The following TMEM109 variants were observed in gnomAD, a reference collection of about 807,000 sequenced individuals.
TMEM109 encodes voltage-gated monoatomic cation channel TMEM109.
A neutral mutation model predicts 26.4 loss-of-function variants in TMEM109; 19 were observed. The ratio of observed to expected loss-of-function variants is 0.72; its 90% CI spans 0.50 to 1.06. The LOEUF (loss-of-function observed/expected upper bound fraction) is 1.06, where lower values mean the gene tolerates loss of function less well. Ranked by LOEUF, TMEM109 falls within the 50% of genes least tolerant of loss-of-function variation. TMEM109 has a pLI of 0.00. For synonymous variants in TMEM109, 129 were observed against 142.0 expected (o/e 0.91, Z 0.65); for missense variants, 262 against 303.4 (o/e 0.86, Z 1.01).
At chr11:60,919,414 T>C (rs931992229) in intron 1 of TMEM109, among the ~76,000 whole-genome samples, 1 of 152,202 alleles carries the variant, frequency 6.6e-6, no homozygotes, top group Non-Finnish European at 1.5e-5. Context: ...AGAGAGATCT[T>C]CTCGCCAACT....
At chr11:60,915,881 G>A (rs1856169213) in intron 1 of TMEM109, among the ~76,000 whole-genome samples, 1 of 152,194 alleles carries the variant, frequency 6.6e-6, no homozygotes, top group Admixed American at 6.5e-5. Flanking sequence ...ACCCACCTGA[G>A]CCATATTGCA....
In TMEM109 at chr11:60,920,938, TTGCTC is replaced by T; in HGVS notation, c.293_297del (p.Ala98ValfsTer16). On this transcript the variant is annotated frameshift_variant, in exon 3 of 4. Transcript: ENST00000227525. LOFTEE classifies it high-confidence loss of function. ...TCATCAGCCATTTCTGTGGCCTTCT[TTGCTC>T]TGTCTGGGATCGCCGCACAGCTGCT... 1 of 1,614,218 alleles carries T rather than the reference TTGCTC, an allele frequency of 6.2e-7. No homozygotes were observed. Among genetic ancestry groups the T allele is most frequent in the Non-Finnish European group, 8.5e-7 (1 of 1,180,008 alleles).
chr11:60,922,426 G>A lies in TMEM109; in HGVS notation c.*261G>A. 2 of 1,479,558 alleles carry A rather than the reference G, an allele frequency of 1.4e-6. No homozygotes were observed. The highest frequency in any genetic ancestry group is 1.2e-5 in the South Asian group (1 of 82,204). 91.7% of individuals were successfully genotyped at this position (1,479,558 alleles called of 1,614,324 possible). The stretch of plus-strand genomic sequence containing the variant: ...CTCTGCTCCCAGCCTGCCTCACCAG[G>A]GAAGGTTGGAGGGGCCTCCCTCTGG... On this transcript the variant is annotated 3_prime_UTR_variant, in exon 4 of 4. Coordinates refer to ENST00000227525, the MANE Select transcript of TMEM109 (RefSeq NM_024092.3).
Position 60,921,909 on chromosome 11 carries a change from T to C in TMEM109, c.476T>C (p.Ile159Thr). The C allele has an allele frequency of 1.2e-6, 2 of 1,614,176 alleles. No individual in the cohort carries two copies. Among genetic ancestry groups the C allele is most frequent in the Non-Finnish European group, 1.7e-6 (2 of 1,180,030 alleles). The change falls in exon 4 of 4, where the codon ATC becomes ACC. Residue 159 changes from isoleucine (I) to threonine (T), a missense_variant. Ile to Thr is a moderately conservative substitution (Grantham distance 89). Transcript: ENST00000227525. Reference sequence around the variant, plus strand: ...TTGGTCTTGGCCTTGCTGGGGCGGATCCTGTGGGGCCTGAAGCTTGTCATC... The same window carrying C: ...TTGGTCTTGGCCTTGCTGGGGCGGACCCTGTGGGGCCTGAAGCTTGTCATC... Reference protein sequence around the residue: ...LGLVLALLGRILWGLKLVIFL... With the variant: ...LGLVLALLGRTLWGLKLVIFL...
intron 1 of TMEM109, among the ~76,000 whole-genome samples, chr11:60,916,644 A>T (rs1196364838): frequency 6.6e-6 from 1 of 152,252 alleles, no homozygotes; most frequent in African/African-American, 2.4e-5. Flanking sequence ...TCCAAAGGAT[A>T]CACTACACAA....
rs1856273984 is a variant in TMEM109 at position 60,923,366 on chromosome 11, T to G, written c.*1201T>G. The G allele has an allele frequency of 6.5e-6, 1 of 152,678 alleles. No homozygotes were observed. Among genetic ancestry groups the G allele is most frequent in the African/African-American group, 2.4e-5 (1 of 41,472 alleles). The allele number at this position is 152,678 out of a possible 1,614,324, so 9.5% of individuals were successfully genotyped here. A position where few individuals can be genotyped will look rare whatever the true frequency, so the allele number is the denominator to read the frequency against. ...TCACAGCTGCAGTGATATATATTTTTTATCAGTGCTTGGTTGGTTTTAAAT... is the reference window on the plus strand; with the variant it reads ...TCACAGCTGCAGTGATATATATTTTGTATCAGTGCTTGGTTGGTTTTAAAT... On this transcript the variant is annotated 3_prime_UTR_variant, in exon 4 of 4. Coordinates refer to ENST00000227525, the MANE Select transcript of TMEM109 (RefSeq NM_024092.3).
intron 2 of TMEM109, 30 bp downstream of exon 2, chr11:60,919,960 C>G (rs750596605): frequency 6.4e-7 from 1 of 1,557,364 alleles, no homozygotes; most frequent in African/African-American, 1.4e-5. Flanking sequence ...TGTGACTACA[C>G]ACATTAAGGA....
chr11:60,922,657 C>T lies in TMEM109; in HGVS notation c.*492C>T, dbSNP rs911048180. On this transcript the variant is annotated 3_prime_UTR_variant, in exon 4 of 4. Transcript: ENST00000227525. Reference sequence around the variant, plus strand: ...CCAAACCATGGTCCTTTAAGGCACGCTCCTGTCCTCCTCATTGCCCAGCAG... The same window carrying T: ...CCAAACCATGGTCCTTTAAGGCACGTTCCTGTCCTCCTCATTGCCCAGCAG... 3.3e-6 allele frequency: 1 copy of T among 307,110 alleles called. No homozygotes were observed. Among genetic ancestry groups the T allele is most frequent in the Non-Finnish European group, 6.5e-6 (1 of 154,392 alleles). The allele number at this position is 307,110 out of a possible 1,614,324, so 19.0% of individuals were successfully genotyped here.
At position 60,922,072 on chromosome 11, in the gene TMEM109, G is replaced by C. The variant is rs1473622697; in HGVS notation, c.639G>C (p.Glu213Asp). The change falls in exon 4 of 4, where the codon GAG (glutamate) becomes GAC (aspartate). Residue 213 changes from glutamate to aspartate, a missense_variant. Coordinates refer to ENST00000227525, the MANE Select transcript of TMEM109 (RefSeq NM_024092.3). ...CCCGAGCCTCTGGGGCCCAACTCGA[G>C]GCCAAGGTGCGAGGGCTGGAACGCC... ...TGSRASGAQL[E>D]AKVRGLERQV... 1 of 1,613,296 alleles carries C rather than the reference G, an allele frequency of 6.2e-7. No homozygotes were observed. Among genetic ancestry groups the C allele is most frequent in the East Asian group, 2.2e-5 (1 of 44,894 alleles).
intron 1 of TMEM109, chr11:60,918,448 C>T (rs1243181465): frequency 1.3e-5 from 2 of 152,192 alleles, no homozygotes; most frequent in African/African-American, 4.8e-5. Context: ...CCAAAGTCAT[C>T]CTTTTTATCA....
rs560676157 is a variant in TMEM109, at chr11:60,922,288, C to A, written c.*123C>A. 7 of 1,542,510 alleles carry A rather than the reference C, an allele frequency of 4.5e-6. No individual in the cohort carries two copies. Among genetic ancestry groups the A allele is most frequent in the Non-Finnish European group, 6.1e-6 (7 of 1,146,768 alleles). ...GTCTCTGAACCTTCAGAACATTGAT[C>A]CTTGCCGCAGCCCCACTAGCCAAGA... On this transcript the variant is annotated 3_prime_UTR_variant, in exon 4 of 4. Coordinates refer to ENST00000227525, the MANE Select transcript of TMEM109 (RefSeq NM_024092.3).
rs1181797624 is a variant in TMEM109 at position 60,922,157 on chromosome 11, G to A, written c.724G>A (p.Glu242Lys). The A allele has an allele frequency of 1.3e-6, 2 of 1,589,180 alleles. No individual in the cohort carries two copies. Among genetic ancestry groups the A allele is most frequent in the East Asian group, 2.3e-5 (1 of 43,024 alleles). The change falls in exon 4 of 4, where the codon GAG becomes AAG. Residue 242 changes from glutamate (E) to lysine (K), a missense_variant. Physicochemically the swap from Glu to Lys is moderately conservative, Grantham distance 56. Coordinates refer to ENST00000227525, the MANE Select transcript of TMEM109 (RefSeq NM_024092.3). ...GGCCAAGGGGGCCCGCAGTGTGGAG[G>A]AGGAGTGAGCCGGATGCCCCACACA... ...RAAKGARSVE[E>K]E
intron 1 of TMEM109, among the ~76,000 whole-genome samples, chr11:60,917,514 G>A (rs1201428070): frequency 6.6e-6 from 1 of 152,230 alleles, no homozygotes; most frequent in Non-Finnish European, 1.5e-5. Context: ...GCTTCAATGA[G>A]TTGGCACTTG....
At position 60,921,868 on chromosome 11, in the gene TMEM109, G is replaced by A. The variant is rs1856244363; in HGVS notation, c.435G>A (p.Leu145=). ...GGGCCCTGGTCGTCTACTGGCTGCT[G>A]TCTCTGCTCCTCGGCTTGGTCTTGG... is the stretch of plus-strand genomic sequence containing the variant. ...GAGALVVYWL[L]SLLLGLVLAL... The change falls in exon 4 of 4, where the codon CTG becomes CTA. Residue 145 remains leucine (L), a synonymous_variant. Coordinates refer to ENST00000227525, the MANE Select transcript of TMEM109 (RefSeq NM_024092.3). The A allele has an allele frequency of 6.2e-7, 1 of 1,614,094 alleles. No individual in the cohort carries two copies. The highest frequency in any genetic ancestry group is 1.3e-5 in the African/African-American group (1 of 74,948).
chr11:60,921,813 A>T lies in TMEM109; in HGVS notation c.380A>T (p.Gln127Leu), dbSNP rs1239030308. The T allele has an allele frequency of 6.2e-7, 1 of 1,613,802 alleles. No individual in the cohort carries two copies. The part of the protein sequence containing the change: ...LAQGLKLSPG[Q>L]VQTFLLWGAG... Reference sequence around the variant, plus strand: ...CAGGGCCTGAAGCTCAGCCCTGGCCAGGTCCAGACCTTCCTGCTGTGGGGA... The same window carrying T: ...CAGGGCCTGAAGCTCAGCCCTGGCCTGGTCCAGACCTTCCTGCTGTGGGGA... Residue 127 changes from glutamine (Q) to leucine (L), a missense_variant, in exon 4 of 4, where the codon CAG becomes CTG. Coordinates refer to ENST00000227525, the MANE Select transcript of TMEM109 (RefSeq NM_024092.3).
At chr11:60,921,569 A>G (rs1367235185) in intron 3 of TMEM109, among the ~76,000 whole-genome samples, 1 of 152,232 alleles carries the variant, frequency 6.6e-6, no homozygotes, top group African/African-American at 2.4e-5. Flanking sequence ...ATGAAACTGC[A>G]GCTCAACAGA....
intron 2 of TMEM109, among the ~76,000 whole-genome samples, chr11:60,920,359 A>G (rs1054527900): frequency 6.6e-6 from 1 of 152,214 alleles, no homozygotes; most frequent in African/African-American, 2.4e-5. Flanking sequence ...TGGCATCCCA[A>G]GCATGGTATC....
chr11:60,920,511 A>AC (rs1856224260), intron 2 of TMEM109, among the ~76,000 whole-genome samples: 1 of 152,186 alleles, frequency 6.6e-6, no homozygotes, highest in Admixed American at 6.5e-5. Context: ...GACTCCCTGG[A>AC]CAGCTAGCAG....
rs1282172961 is a variant in TMEM109, at chr11:60,920,933, C to A, written c.285C>A (p.Ala95=). The change falls in exon 3 of 4, where the codon GCC becomes GCA. Residue 95 remains alanine, a synonymous_variant. Transcript: ENST00000227525. The part of the protein sequence containing the change: ...LWAISSAISV[A]FFALSGIAAQ... ...CCATCTCATCAGCCATTTCTGTGGC[C>A]TTCTTTGCTCTGTCTGGGATCGCCG... 6.2e-7 allele frequency: 1 copy of A among 1,614,234 alleles called. No individual in the cohort carries two copies. Among genetic ancestry groups the A allele is most frequent in the Admixed American group, 1.7e-5 (1 of 60,028 alleles).
Sources: gnomAD v4.1 joint callset for allele counts (sites outside exome capture counted in the v4.1 genomes callset) on GRCh38, gnomAD v4.1.1 for gene constraint, MANE v1.5 for transcripts, NCBI Gene and HGNC (gene_info 2026-07-23, HGNC 2026-07-21) for gene names.